The following PRMT2 variants were observed in gnomAD, a reference collection of about 807,000 sequenced individuals.
The protein encoded by PRMT2 is protein arginine N-methyltransferase 2.
PRMT2 carries 26 observed loss-of-function variants against 57.6 expected under a neutral mutation model. The ratio of observed to expected loss-of-function variants is 0.45; its 90% confidence interval spans 0.33 to 0.63. The LOEUF is 0.63. Among genes scored for constraint, PRMT2 ranks in the 20% least tolerant of loss-of-function variants. The pLI is 0.02. For missense variants in PRMT2, 472 were observed against 564.4 expected (o/e 0.84, Z 1.66); for synonymous variants, 219 against 220.0 (o/e 1.00, Z 0.04).
At chr21:46,653,828 G>T in intron 7 of PRMT2, 1 of 1,044,540 alleles carries the variant, frequency 9.6e-7, no homozygotes. Flanking sequence ...TTGAAGGACC[G>T]CTTATGGCTA....
rs1260350689 is a variant in PRMT2, at chr21:46,649,647, A to G, written c.562A>G (p.Ile188Val). ...GGTCCTGCAGAACGGCTTTGCTGAC[A>G]TCATCACCGTGTACCAGCAGAAGGT... ...QLVLQNGFAD[I>V]ITVYQQKVED... Residue 188 changes from isoleucine (I) to valine (V), a missense_variant, in exon 7 of 12, where the codon ATC becomes GTC. This residue lies in a region of PRMT2 where 243 missense variants were observed against 347.2 expected (regional missense o/e 0.70). Transcript: ENST00000355680. This position sits in a 1 kb window ranked among gnomAD's most constrained non-coding sequence, Gnocchi z 4.8. 1.4e-5 allele frequency: 22 copies of G among 1,614,098 alleles called. No individual in the cohort carries two copies. Among genetic ancestry groups the G allele is most frequent in the East Asian group, 2.2e-5 (1 of 44,874 alleles).
intron 5 of PRMT2, among the ~76,000 whole-genome samples, chr21:46,647,380 G>GTTTTCTTTTCTTTGTGACTTCT (rs2061380481): frequency 6.6e-6 from 1 of 151,968 alleles, no homozygotes; most frequent in Non-Finnish European, 1.5e-5. Flanking sequence ...GCCTAATATG[G>GTTTTCTTTTCTTTGTGACTTCT]TTTTCTTTTC....
Position 46,661,844 on chromosome 21 carries a change from C to G in PRMT2, c.1005C>G (p.Thr335=), listed in dbSNP as rs1282338490. ...ELRFDIRKAG[T]LHGFTAWFSV... ...GCTTCGACATCAGGAAGGCGGGGAC[C>G]CTGCACGGCTTCACGGCCTGGTTTA... The change falls in exon 10 of 12, where the codon ACC becomes ACG. Residue 335 remains threonine, a synonymous_variant. Coordinates refer to ENST00000355680, the MANE Select transcript of PRMT2 (RefSeq NM_206962.4). 6.6e-7 allele frequency: 1 copy of G among 1,512,138 alleles called. No individual in the cohort carries two copies. Among genetic ancestry groups the G allele is most frequent in the Admixed American group, 2.0e-5 (1 of 48,842 alleles). 93.7% of individuals were successfully genotyped at this position (1,512,138 alleles called of 1,614,324 possible). A position where few individuals can be genotyped will look rare whatever the true frequency, so the allele number is the denominator to read the frequency against.
intron 7 of PRMT2, chr21:46,657,379 A>AAC (rs1899974334): frequency 2.0e-5 from 3 of 148,418 alleles, no homozygotes; most frequent in Non-Finnish European, 4.5e-5. Flanking sequence ...ATAATTGCAA[A>AAC]AAAAAAAAAA....
intron 7 of PRMT2, among the ~76,000 whole-genome samples, chr21:46,651,402 G>A (rs963505559): frequency 2.0e-5 from 3 of 152,092 alleles, no homozygotes; most frequent in Non-Finnish European, 2.9e-5. Context: ...ATGCCCATCC[G>A]ATGTGCAGGG....
intron 8 of PRMT2, chr21:46,660,292 A>G (rs1399092298): frequency 2.0e-6 from 1 of 490,426 alleles, no homozygotes; most frequent in Non-Finnish European, 2.6e-6. Flanking sequence ...TCTGTGTTGA[A>G]TTTGTGTAGC....
intron 4 of PRMT2, among the ~76,000 whole-genome samples, chr21:46,643,935 T>C (rs1350493709): frequency 2.0e-5 from 3 of 152,318 alleles, no homozygotes; most frequent in Non-Finnish European, 4.4e-5. Context: ...TATATCAAGC[T>C]ATATCTGCTT....
chr21:46,652,092 G>A, intron 7 of PRMT2: 1 of 1,554,772 alleles, frequency 6.4e-7, no homozygotes, highest in Non-Finnish European at 8.7e-7. Flanking sequence ...AGTGCAGCAA[G>A]GGCATGTAGT....
intron 3 of PRMT2, among the ~76,000 whole-genome samples, chr21:46,637,791 A>G (rs553050653): frequency 1.6e-3 from 237 of 145,184 alleles, no homozygotes; most frequent in African/African-American, 3.8e-3. Context: ...GTGTGTGTGT[A>G]TATATATATG....
At chr21:46,658,435 G>T in intron 7 of PRMT2, 1 of 268,714 alleles carries the variant, frequency 3.7e-6, no homozygotes, top group Non-Finnish European at 7.1e-6. Context: ...AAATCTGGTA[G>T]CTACGAGCTC....
At chr21:46,664,116 C>T (rs2061669397) in intron 11 of PRMT2, among the ~76,000 whole-genome samples, 179 bp from the exon 12 acceptor site, 2 of 152,096 alleles carry the variant, frequency 1.3e-5, no homozygotes, top group African/African-American at 4.8e-5. Flanking sequence ...GGTTTTCCTT[C>T]ATTTTTTATA....
chr21:46,643,209 C>T (rs1312940360), intron 3 of PRMT2: 2 of 186,788 alleles, frequency 1.1e-5, no homozygotes, highest in Non-Finnish European at 2.1e-5. Context: ...GGTTTCTCTT[C>T]ATGGGGTTGA....
At chr21:46,636,774 C>G (rs1213643916) in intron 2 of PRMT2, 122 bp from the exon 3 acceptor site, 2 of 579,724 alleles carry the variant, frequency 3.4e-6, no homozygotes, top group African/African-American at 3.8e-5. Flanking sequence ...CTACACTAAT[C>G]TTCACACATA....
At chr21:46,653,716 C>A in intron 7 of PRMT2, 1 of 1,253,456 alleles carries the variant, frequency 8.0e-7, no homozygotes. Context: ...TGCCCACACG[C>A]ACACACACAA....
At chr21:46,650,124 TG>T (rs1002362408) in intron 7 of PRMT2, among the ~76,000 whole-genome samples, 18 of 152,328 alleles carry the variant, frequency 1.2e-4, no homozygotes, top group African/African-American at 4.3e-4. Context: ...TGAAGCCACT[TG>T]GGCATCTGTA....
intron 7 of PRMT2, 83 bp from the exon 8 acceptor site, chr21:46,658,662 A>G (rs1601950818): frequency 6.4e-7 from 1 of 1,565,478 alleles, no homozygotes; most frequent in Non-Finnish European, 8.7e-7. Flanking sequence ...CTGTCAGACT[A>G]GTGTTACGAA....
At chr21:46,646,719 G>A (rs1192643788) in intron 5 of PRMT2, among the ~76,000 whole-genome samples, 3 of 151,964 alleles carry the variant, frequency 2.0e-5, no homozygotes, top group Non-Finnish European at 4.4e-5. Flanking sequence ...ATTCCTACGG[G>A]GTGTGTGTGT....
In PRMT2 at chr21:46,658,854, A is replaced by G; in HGVS notation, c.764A>G (p.Asp255Gly). Residue 255 changes from aspartate (D) to glycine (G), a missense_variant, in exon 8 of 12, where the codon GAT becomes GGT. This residue lies in a region of PRMT2 where 243 missense variants were observed against 347.2 expected (regional missense o/e 0.70). Transcript: ENST00000355680. Reference protein sequence around the residue: ...AALHLVPCSADKDYRSKVLFW... With the variant: ...AALHLVPCSAGKDYRSKVLFW... ...TTGCACCTTGTGCCCTGCAGTGCTG[A>G]TAAGGATTATCGTAGCAAGGTGCTC... The G allele has an allele frequency of 6.2e-7, 1 of 1,614,136 alleles. No individual in the cohort carries two copies. Among genetic ancestry groups the G allele is most frequent in the Non-Finnish European group, 8.5e-7 (1 of 1,180,024 alleles).
chr21:46,637,004 C>T lies in PRMT2; in HGVS notation c.39+14C>T, dbSNP rs762475886. 7 of 1,613,114 alleles carry T rather than the reference C, an allele frequency of 4.3e-6. No individual in the cohort carries two copies. The highest frequency in any genetic ancestry group is 8.5e-7 in the Non-Finnish European group (1 of 1,179,466). Reference sequence around the variant, plus strand: ...AGTGAATCGCAGGTAATTTCCGTTCCACTTCCTAAAAATCTGTGTTTAATG... The same window carrying T: ...AGTGAATCGCAGGTAATTTCCGTTCTACTTCCTAAAAATCTGTGTTTAATG... On this transcript the variant is annotated intron_variant, in intron 3 of 11. Transcript: ENST00000355680.
Sources: allele counts gnomAD v4.1 joint callset (sites outside exome capture counted in the v4.1 genomes callset), GRCh38; gene constraint gnomAD v4.1.1; regional missense constraint gnomAD v4.1.1; non-coding constraint Gnocchi (gnomAD v3.1); transcripts MANE v1.5; gene names NCBI Gene and HGNC (gene_info 2026-07-23, HGNC 2026-07-21).